CACNB4: variants seen among roughly 807,000 people sequenced by gnomAD.
CACNB4 encodes calcium voltage-gated channel auxiliary subunit beta 4, also known as voltage-dependent L-type calcium channel subunit beta-4.
CACNB4 carries 32 observed loss-of-function variants against 71.2 expected under a neutral mutation model. That is an observed-to-expected ratio of 0.45 (90% CI 0.34 to 0.60). The LOEUF is 0.60. CACNB4 is among the 20% of genes least tolerant of loss of function. The pLI is 0.01. For missense variants in CACNB4, 464 were observed against 647.9 expected (o/e 0.72, Z 3.08); for synonymous variants, 231 against 236.9 (o/e 0.97, Z 0.23).
At chr2:152,015,863 C>T (rs1210376333) in intron 2 of CACNB4, among the ~76,000 whole-genome samples, 2 of 152,328 alleles carry the variant, frequency 1.3e-5, no homozygotes, top group South Asian at 2.1e-4. Context: ...CTTGGAACTG[C>T]CCACCCAGTT....
At chr2:151,850,866 T>C (rs113903307) in intron 12 of CACNB4, 181 of 152,312 alleles carry the variant, frequency 1.2e-3, no homozygotes, top group African/African-American at 4.1e-3. Context: ...AGGACCCATA[T>C]TATAAATAAT....
intron 2 of CACNB4, among the ~76,000 whole-genome samples, chr2:152,059,496 T>C (rs55983612): frequency 0.42 from 64,250 of 152,180 alleles, 16,697 homozygotes; most frequent in Non-Finnish European, 0.59. Context: ...CTGTGGGATT[T>C]TGGATTTGCA....
chr2:152,052,930 C>T lies in CACNB4; in HGVS notation c.147+45400G>A, dbSNP rs146293588. On this transcript the variant is annotated intron_variant, in intron 2 of 13. Coordinates refer to ENST00000539935, the MANE Select transcript of CACNB4 (RefSeq NM_000726.5). ...CCGGGAGATGGAGGTTGCAGTGAGC[C>T]GAGATCACGCCACTGCACTCCAGCC... 5.6e-3 allele frequency among the ~76,000 whole-genome samples: 854 copies of T among 151,774 alleles called. 4 individuals are homozygous for T. Among genetic ancestry groups the T allele is most frequent in the Non-Finnish European group, 8.1e-3 (550 of 67,926 alleles).
intron 10 of CACNB4, 178 bp downstream of exon 10, chr2:151,860,533 A>G (rs2099841366): frequency 1.6e-6 from 1 of 614,316 alleles, no homozygotes; most frequent in Non-Finnish European, 2.9e-6. Context: ...AGAGACAGCA[A>G]GCTCTCGCTA....
At chr2:152,046,513 C>T (rs1005334458) in intron 2 of CACNB4, among the ~76,000 whole-genome samples, 5 of 152,216 alleles carry the variant, frequency 3.3e-5, no homozygotes, top group African/African-American at 1.2e-4. Context: ...TTTATAAAAT[C>T]TGTCTCTCCT....
Position 151,906,053 on chromosome 2 carries a change from C to T in CACNB4, c.148-22683G>A, listed in dbSNP as rs112790914. ...ATACATGAGCACATGCATGCACACA[C>T]ATCACGCTATCCTCTTCCTACTCAG... On this transcript the variant is annotated intron_variant, in intron 2 of 13. Transcript: ENST00000539935. Among the ~76,000 whole-genome samples, 883 of 152,320 alleles carry T rather than the reference C, an allele frequency of 5.8e-3. 5 individuals carry two copies. Among genetic ancestry groups the T allele is most frequent in the African/African-American group, 0.02 (848 of 41,560 alleles).
At position 152,025,909 on chromosome 2, in the gene CACNB4, C is replaced by G. The variant is rs188763006; in HGVS notation, c.147+72421G>C. The stretch of plus-strand genomic sequence containing the variant: ...ATGTGTTTGCAGTATAGTAGAAAAA[C>G]GTCAGAGCTGTGAAGAGCTGTGTTT... On this transcript the variant is annotated intron_variant, in intron 2 of 13. Transcript: ENST00000539935. 8.5e-5 allele frequency among the ~76,000 whole-genome samples: 13 copies of G among 152,318 alleles called. No individual in the cohort carries two copies. The East Asian group carries it at 1.9e-3, about 23-fold the overall frequency.
At chr2:151,867,439 GTCTA>G (rs2099843448) in intron 9 of CACNB4, 1 of 152,170 alleles carries the variant, frequency 6.6e-6, no homozygotes, top group African/African-American at 2.4e-5. Flanking sequence ...GAAGCAGGTT[GTCTA>G]TCTGATTGTG....
chr2:152,046,665 C>T (rs1318970461), intron 2 of CACNB4, among the ~76,000 whole-genome samples: 1 of 152,138 alleles, frequency 6.6e-6, no homozygotes, highest in Non-Finnish European at 1.5e-5. Flanking sequence ...TAAGATGTCG[C>T]CCTAAGCAGA....
chr2:151,875,966 CG>C (rs2099846097), intron 5 of CACNB4, among the ~76,000 whole-genome samples: 2 of 126,010 alleles, frequency 1.6e-5, no homozygotes, highest in Admixed American at 7.7e-5. Context: ...GCTGGCCGGG[CG>C]GGGGGCTGAC....
intron 2 of CACNB4, among the ~76,000 whole-genome samples, chr2:152,094,434 G>A (rs1688152539): frequency 6.6e-6 from 1 of 152,174 alleles, no homozygotes; most frequent in African/African-American, 2.4e-5. Context: ...GGCCTCATAA[G>A]AGCAGACTTA....
intron 2 of CACNB4, among the ~76,000 whole-genome samples, chr2:152,043,210 GA>G (rs1261916988): frequency 6.6e-6 from 1 of 152,046 alleles, no homozygotes; most frequent in East Asian, 1.9e-4. Context: ...CTCGCCTATG[GA>G]GCAGACACTC....
intron 2 of CACNB4, among the ~76,000 whole-genome samples, chr2:151,996,945 A>T (rs1341505810): frequency 1.3e-5 from 2 of 152,124 alleles, no homozygotes. Context: ...AAAATAACAC[A>T]AACCTAGTCC....
Position 151,836,383 on chromosome 2 carries a change from A to T in CACNB4, c.*2736T>A, listed in dbSNP as rs2099834892. ...AAAGGTGCTTGGTGTGCTTGGCAAA[A>T]ATAAAACTTTTCATTTAGTATATAT... On this transcript the variant is annotated 3_prime_UTR_variant, in exon 14 of 14. Transcript: ENST00000539935. 1 of 151,878 alleles carries T rather than the reference A, an allele frequency of 6.6e-6. No individual in the cohort carries two copies. The highest frequency in any genetic ancestry group is 1.5e-5 in the Non-Finnish European group (1 of 67,764). The allele number at this position is 151,878 out of a possible 1,614,324, so 9.4% of individuals were successfully genotyped here. A position where few individuals can be genotyped will look rare whatever the true frequency, so the allele number is the denominator to read the frequency against.
At chr2:151,924,073 C>CTGTT (rs2099859612) in intron 2 of CACNB4, among the ~76,000 whole-genome samples, 1 of 91,418 alleles carries the variant, frequency 1.1e-5, no homozygotes, top group Non-Finnish European at 1.9e-5. Flanking sequence ...ATTCTGAAAT[C>CTGTT]TTTTTTTTTT....
intron 2 of CACNB4, among the ~76,000 whole-genome samples, chr2:152,013,229 G>A (rs28754536): frequency 0.22 from 33,168 of 152,000 alleles, 3,784 homozygotes; most frequent in Middle Eastern, 0.4. Context: ...TTTTCAGAAC[G>A]TCTCCCCATC....
chr2:152,000,406 A>G (rs1357725234), intron 2 of CACNB4, among the ~76,000 whole-genome samples: 1 of 152,252 alleles, frequency 6.6e-6, no homozygotes, highest in African/African-American at 2.4e-5. Flanking sequence ...TAAAATGGGA[A>G]TAAGAATTGT....
intron 2 of CACNB4, among the ~76,000 whole-genome samples, chr2:151,897,889 G>A (rs1559956119): frequency 1.3e-5 from 2 of 152,224 alleles, no homozygotes; most frequent in African/African-American, 2.4e-5. Flanking sequence ...GCAGGTTAAT[G>A]AGAACACTTC....
At chr2:152,000,152 C>T (rs1433241689) in intron 2 of CACNB4, among the ~76,000 whole-genome samples, 2 of 152,156 alleles carry the variant, frequency 1.3e-5, no homozygotes, top group Admixed American at 6.5e-5. Flanking sequence ...AGTTTCTTTC[C>T]TCCACCACCC....
Sources: allele counts gnomAD v4.1 joint callset (sites outside exome capture counted in the v4.1 genomes callset), GRCh38; gene constraint gnomAD v4.1.1; transcripts MANE v1.5; gene names NCBI Gene and HGNC (gene_info 2026-07-23, HGNC 2026-07-21).